Variants in XRCC4 observed in about 807,000 individuals in gnomAD.
XRCC4 encodes the protein X-ray repair cross complementing 4.
In XRCC4, 28 loss-of-function variants were observed where a neutral mutation model predicts 39.1. That is an observed-to-expected ratio of 0.72 (90% CI 0.53 to 0.98). XRCC4 has a LOEUF of 0.98. Ranked by LOEUF, XRCC4 falls within the 50% of genes least tolerant of loss-of-function variation. XRCC4 has a pLI of 0.00. For missense variants in XRCC4, 350 were observed against 376.4 expected, an observed-to-expected ratio of 0.93 and a Z score of 0.58; for synonymous variants, 123 against 126.4, an observed-to-expected ratio of 0.97 and a Z score of 0.18.
At chr5:83,263,696 GT>G (rs1380866170) in intron 7 of XRCC4, among the ~76,000 whole-genome samples, 1 of 151,156 alleles carries the variant, frequency 6.6e-6, no homozygotes, top group African/African-American at 2.4e-5. Flanking sequence ...GGGGTTGTTT[GT>G]TTTTTTCTTG....
chr5:83,287,953 T>G (rs1002269701), intron 7 of XRCC4, among the ~76,000 whole-genome samples: 1 of 151,808 alleles, frequency 6.6e-6, no homozygotes, highest in East Asian at 1.9e-4. Flanking sequence ...AGCACTGCTT[T>G]CGTTGCATCC....
intron 3 of XRCC4, among the ~76,000 whole-genome samples, chr5:83,135,661 A>G (rs1747861907): frequency 6.6e-6 from 1 of 151,634 alleles, no homozygotes; most frequent in Non-Finnish European, 1.5e-5. Flanking sequence ...GATAGTTTCT[A>G]TTGCTGTGTC....
chr5:83,107,488 C>A (rs2112385497), intron 2 of XRCC4, among the ~76,000 whole-genome samples: 1 of 151,682 alleles, frequency 6.6e-6, no homozygotes, highest in Non-Finnish European at 1.5e-5. Flanking sequence ...CTTTTAATCT[C>A]CCCTACACTA....
chr5:83,090,679 C>T (rs927044209), intron 1 of XRCC4, among the ~76,000 whole-genome samples: 1 of 152,082 alleles, frequency 6.6e-6, no homozygotes, highest in Non-Finnish European at 1.5e-5. Context: ...CATCCTGAGG[C>T]TGTCTAGAGG....
intron 6 of XRCC4, among the ~76,000 whole-genome samples, chr5:83,242,394 A>C (rs1429623295): frequency 6.6e-6 from 1 of 152,152 alleles, no homozygotes; most frequent in Admixed American, 6.5e-5. Flanking sequence ...ATTTTAAAAC[A>C]AATAAACAAG....
At chr5:83,354,020 T>A (rs563032112), downstream of XRCC4, among the ~76,000 whole-genome samples, 3 of 152,322 alleles carry the variant, frequency 2.0e-5, no homozygotes, top group Admixed American at 1.3e-4. Flanking sequence ...CTTCTTAACC[T>A]TTCATTCTTT....
chr5:83,082,079 C>G (rs189428459), intron 1 of XRCC4, among the ~76,000 whole-genome samples: 2 of 152,202 alleles, frequency 1.3e-5, no homozygotes, highest in Admixed American at 1.3e-4. Context: ...TCTACTATTT[C>G]TGCTATTAGT....
intron 7 of XRCC4, among the ~76,000 whole-genome samples, chr5:83,267,619 G>T (rs1481566359): frequency 6.6e-6 from 1 of 152,170 alleles, no homozygotes; most frequent in Non-Finnish European, 1.5e-5. Flanking sequence ...CAAGATAGGA[G>T]GAATCATGGT....
intron 3 of XRCC4, among the ~76,000 whole-genome samples, chr5:83,125,857 C>A (rs1182959958): frequency 6.6e-6 from 1 of 151,844 alleles, no homozygotes; most frequent in Non-Finnish European, 1.5e-5. Context: ...GTGGCGCATT[C>A]CTGTAATCCG....
At chr5:83,169,467 G>T (rs938114545) in intron 3 of XRCC4, among the ~76,000 whole-genome samples, 1 of 152,126 alleles carries the variant, frequency 6.6e-6, no homozygotes, top group Non-Finnish European at 1.5e-5. Context: ...TTCTTTGAGA[G>T]AAGAAAGTTG....
chr5:83,130,260 T>C (rs1044022101), intron 3 of XRCC4, among the ~76,000 whole-genome samples: 1 of 152,222 alleles, frequency 6.6e-6, no homozygotes, highest in Non-Finnish European at 1.5e-5. Flanking sequence ...GTTTATATGA[T>C]GGATCACTTT....
intron 6 of XRCC4, among the ~76,000 whole-genome samples, chr5:83,229,039 G>A (rs551889145): frequency 3.3e-5 from 5 of 151,726 alleles, no homozygotes; most frequent in Admixed American, 3.3e-4. Context: ...TTGGAGACTT[G>A]TTGAATGCGG....
intron 3 of XRCC4, among the ~76,000 whole-genome samples, chr5:83,113,545 A>G (rs191887069): frequency 2.6e-5 from 4 of 151,974 alleles, no homozygotes; most frequent in Non-Finnish European, 2.9e-5. Flanking sequence ...TTTCCCTTCT[A>G]TACTGCCCTA....
chr5:83,273,886 T>C (rs1754231521), intron 7 of XRCC4, among the ~76,000 whole-genome samples: 1 of 152,066 alleles, frequency 6.6e-6, no homozygotes, highest in South Asian at 2.1e-4. Context: ...CTTAGTATTG[T>C]CTTGGCTATA....
At chr5:83,168,934 CAAAG>C (rs1347603637) in intron 3 of XRCC4, among the ~76,000 whole-genome samples, 2 of 152,016 alleles carry the variant, frequency 1.3e-5, no homozygotes, top group African/African-American at 2.4e-5. Flanking sequence ...GGGTGTATAA[CAAAG>C]AGAATCCCCG....
chr5:83,295,412 G>A (rs1248355458), intron 7 of XRCC4, among the ~76,000 whole-genome samples: 1 of 152,056 alleles, frequency 6.6e-6, no homozygotes, highest in Non-Finnish European at 1.5e-5. Context: ...GAGCTTACAT[G>A]TTAGGGGAAA....
intron 3 of XRCC4, among the ~76,000 whole-genome samples, chr5:83,120,884 A>G (rs1746978530): frequency 6.6e-6 from 1 of 152,216 alleles, no homozygotes; most frequent in African/African-American, 2.4e-5. Context: ...ACCATAATCA[A>G]GATGATAAAT....
chr5:83,126,430 T>C (rs938499259), intron 3 of XRCC4, among the ~76,000 whole-genome samples: 1 of 152,182 alleles, frequency 6.6e-6, no homozygotes, highest in Non-Finnish European at 1.5e-5. Context: ...TTATTGTTGT[T>C]TGCTTTTAAG....
the XRCC4 span, among the ~76,000 whole-genome samples, chr5:83,374,109 A>AT: frequency 6.6e-6 from 1 of 152,194 alleles, no homozygotes; most frequent in African/African-American, 2.4e-5. Flanking sequence ...ATCACCCAGC[A>AT]TCCTGTAAGA....
Sources: gnomAD v4.1 joint callset for allele counts (sites outside exome capture counted in the v4.1 genomes callset) on GRCh38, gnomAD v4.1.1 for gene constraint, MANE v1.5 for transcripts, NCBI Gene and HGNC (gene_info 2026-07-23, HGNC 2026-07-21) for gene names.